CNTNAP2: variants seen among roughly 807,000 people sequenced by gnomAD.
The protein encoded by CNTNAP2 is contactin associated protein 2, also known as contactin-associated protein-like 2.
In CNTNAP2, 98 loss-of-function variants were observed where a neutral mutation model predicts 155.2. The observed-to-expected ratio is 0.63, with a 90% CI of 0.54 to 0.75. The LOEUF (loss-of-function observed/expected upper bound fraction) is 0.75. CNTNAP2 is among the 30% of genes least tolerant of loss of function. CNTNAP2 has a pLI of 0.00. For synonymous variants in CNTNAP2, 651 were observed against 631.2 expected, an observed-to-expected ratio of 1.03 and a Z score of -0.47; for missense variants, 1,727 against 1,688.1, an observed-to-expected ratio of 1.02 and a Z score of -0.40.
intron 1 of CNTNAP2, among the ~76,000 whole-genome samples, chr7:146,588,908 C>G (rs974039026): frequency 2.0e-5 from 3 of 151,892 alleles, no homozygotes; most frequent in Non-Finnish European, 2.9e-5. Context: ...TAGCTGCTGT[C>G]TATAATATTT....
chr7:146,801,555 T>G (rs1219634654), intron 2 of CNTNAP2, among the ~76,000 whole-genome samples: 1 of 152,182 alleles, frequency 6.6e-6, no homozygotes, highest in East Asian at 1.9e-4. Context: ...TGGAAATATA[T>G]AGAGAATTTT....
At chr7:148,349,503 G>A (rs1461092193) in intron 21 of CNTNAP2, among the ~76,000 whole-genome samples, 5 of 150,652 alleles carry the variant, frequency 3.3e-5, no homozygotes, top group East Asian at 2.0e-4. Context: ...CCAGGTTCAC[G>A]CCATTCTCCT....
rs567774883 is a variant in CNTNAP2 at position 146,868,710 on chromosome 7, C to T, written c.402+28806C>T. Among the ~76,000 whole-genome samples the T allele has an allele frequency of 9.1e-4, 138 of 152,040 alleles. 1 individual carries two copies. The highest frequency in any genetic ancestry group is 4.7e-3 in the Admixed American group (72 of 15,244). Reference sequence around the variant, plus strand: ...TTTCCTTGAGCAGTGTTTTGTAATTCTCATTGTAGAGATCTTTCACCATCC... The same window carrying T: ...TTTCCTTGAGCAGTGTTTTGTAATTTTCATTGTAGAGATCTTTCACCATCC... On this transcript the variant is annotated intron_variant, in intron 3 of 23. Coordinates refer to ENST00000361727, the MANE Select transcript of CNTNAP2 (RefSeq NM_014141.6).
chr7:146,272,507 A>C (rs1017421243), intron 1 of CNTNAP2, among the ~76,000 whole-genome samples: 1 of 152,150 alleles, frequency 6.6e-6, no homozygotes, highest in African/African-American at 2.4e-5. Flanking sequence ...GGAGTGAAGT[A>C]CTCTGGCTCC....
At chr7:147,185,947 G>C (rs1802557218) in intron 8 of CNTNAP2, among the ~76,000 whole-genome samples, 2 of 152,146 alleles carry the variant, frequency 1.3e-5, no homozygotes, top group African/African-American at 4.8e-5. Context: ...ACATGACTTT[G>C]CTTCTTTTCT....
At chr7:146,472,408 T>C (rs1216247906) in intron 1 of CNTNAP2, among the ~76,000 whole-genome samples, 1 of 152,220 alleles carries the variant, frequency 6.6e-6, no homozygotes, top group Non-Finnish European at 1.5e-5. Context: ...ATTTCTGAAC[T>C]AAACATAATA....
chr7:147,307,500 C>G (rs768035382), intron 9 of CNTNAP2, among the ~76,000 whole-genome samples: 72 of 152,132 alleles, frequency 4.7e-4, no homozygotes, highest in Non-Finnish European at 7.6e-4. Flanking sequence ...ATGAGAATTG[C>G]TTGAACCCAG....
At chr7:146,272,187 C>T (rs1800093175) in intron 1 of CNTNAP2, among the ~76,000 whole-genome samples, 2 of 152,138 alleles carry the variant, frequency 1.3e-5, no homozygotes, top group Non-Finnish European at 2.9e-5. Flanking sequence ...GCAAACACGT[C>T]CTTCTTCACA....
At chr7:147,199,135 G>A (rs1378402867) in intron 8 of CNTNAP2, among the ~76,000 whole-genome samples, 1 of 151,732 alleles carries the variant, frequency 6.6e-6, no homozygotes. Context: ...CTAATTTTTT[G>A]TATTTTATTA....
At chr7:146,352,750 G>GTTTTTTTTGTTTTTT (rs1794934824) in intron 1 of CNTNAP2, among the ~76,000 whole-genome samples, 3 of 64,338 alleles carry the variant, frequency 4.7e-5, no homozygotes, top group Admixed American at 2.4e-4. Context: ...GCATAATTCT[G>GTTTTTTTTGTTTTTT]TTTTTTTTTT....
At chr7:147,925,077 C>T (rs113672734) in intron 14 of CNTNAP2, among the ~76,000 whole-genome samples, 4,552 of 150,356 alleles carry the variant, frequency 0.03, 252 homozygotes, top group African/African-American at 0.11. Context: ...CAAGATCATG[C>T]CACGGCACTG....
At chr7:147,264,273 A>T (rs1440100970) in intron 8 of CNTNAP2, among the ~76,000 whole-genome samples, 1 of 152,176 alleles carries the variant, frequency 6.6e-6, no homozygotes, top group Non-Finnish European at 1.5e-5. Context: ...CAGCAATCCA[A>T]AACCATTTCC....
intron 8 of CNTNAP2, among the ~76,000 whole-genome samples, chr7:147,272,664 ATT>A (rs71182188): frequency 5.8e-4 from 81 of 138,934 alleles, no homozygotes; most frequent in Non-Finnish European, 2.8e-4. Context: ...CGCCCGGCTA[ATT>A]TTTTTTTTTT....
chr7:148,323,294 CTTTTTTTTTTTTTTTTT>C (rs60109355), intron 21 of CNTNAP2, among the ~76,000 whole-genome samples: 1,750 of 49,636 alleles, frequency 0.035, 48 homozygotes, highest in Non-Finnish European at 0.043. Context: ...TTATGGATTT[CTTTTTTTTTTTTTTTTT>C]TTTTTTTTTT....
chr7:148,001,834 G>A (rs929384134), intron 15 of CNTNAP2, among the ~76,000 whole-genome samples: 1 of 152,056 alleles, frequency 6.6e-6, no homozygotes, highest in African/African-American at 2.4e-5. Context: ...TTTTTTTCAG[G>A]TTGGTACTTT....
chr7:147,693,419 A>T (rs1317744544), intron 13 of CNTNAP2, among the ~76,000 whole-genome samples: 1 of 152,124 alleles, frequency 6.6e-6, no homozygotes, highest in Non-Finnish European at 1.5e-5. Context: ...CTGAATCTGT[A>T]GATCAAAGTA....
chr7:147,436,310 T>C (rs1480390688), intron 10 of CNTNAP2, among the ~76,000 whole-genome samples: 1 of 152,226 alleles, frequency 6.6e-6, no homozygotes, highest in African/African-American at 2.4e-5. Context: ...ATTTTTGTCA[T>C]TCTTGTTTGG....
rs74836987 is a variant in CNTNAP2, at chr7:147,233,120, C to G, written c.1349-67021C>G. On this transcript the variant is annotated intron_variant, in intron 8 of 23. Transcript: ENST00000361727. ...CTCATAGTTTCCCTTATTTAGTTAGCATGGTGTCTTTATAAACAGATGACT... is the reference window on the plus strand; with the variant it reads ...CTCATAGTTTCCCTTATTTAGTTAGGATGGTGTCTTTATAAACAGATGACT... Among the ~76,000 whole-genome samples, 138 of 152,250 alleles carry G rather than the reference C, an allele frequency of 9.1e-4. 2 individuals are homozygous for G. The East Asian group carries it at 0.025, about 27-fold the overall frequency.
intron 20 of CNTNAP2, among the ~76,000 whole-genome samples, chr7:148,254,786 A>AG (rs1317601009): frequency 2.0e-5 from 3 of 151,988 alleles, no homozygotes; most frequent in African/African-American, 7.2e-5. Context: ...AAAAAAAAAA[A>AG]AAAAAAAAAC....
Sources: allele counts gnomAD v4.1 joint callset (sites outside exome capture counted in the v4.1 genomes callset), GRCh38; gene constraint gnomAD v4.1.1; transcripts MANE v1.5; gene names NCBI Gene and HGNC (gene_info 2026-07-23, HGNC 2026-07-21).